PIEZO2: variants seen among roughly 807,000 people sequenced by gnomAD.
PIEZO2 encodes piezo type mechanosensitive ion channel component 2.
In PIEZO2, 172 loss-of-function variants were observed where a neutral mutation model predicts 337.3. That is an observed-to-expected ratio of 0.51 (90% CI 0.45 to 0.58). PIEZO2 has a LOEUF of 0.58. Ranked by LOEUF, PIEZO2 falls within the 20% of genes least tolerant of loss-of-function variation. The pLI, the probability that PIEZO2 is intolerant of heterozygous loss-of-function variation, is 0.00. For synonymous variants in PIEZO2, 1,251 were observed against 1,228.5 expected, an observed-to-expected ratio of 1.02 and a Z score of -0.38; for missense variants, 3,028 against 3,391.3, an observed-to-expected ratio of 0.89 and a Z score of 2.66.
At chr18:11,115,130 T>C (rs1175287696) in intron 1 of PIEZO2, among the ~76,000 whole-genome samples, 3 of 152,218 alleles carry the variant, frequency 2.0e-5, no homozygotes, top group Non-Finnish European at 4.4e-5. Context: ...CAGACTTAGC[T>C]ATTCAGGATT....
Position 11,033,855 on chromosome 18 carries a change from C to T in PIEZO2, c.160+32272G>A, listed in dbSNP as rs765523668. 6.6e-6 allele frequency among the ~76,000 whole-genome samples: 1 copy of T among 152,200 alleles called. No individual in the cohort carries two copies. The highest frequency in any genetic ancestry group is 2.4e-5 in the African/African-American group (1 of 41,518). On this transcript the variant is annotated intron_variant, in intron 2 of 55. Transcript: ENST00000674853. The surrounding 1 kb of genome is among the most constrained non-coding windows in gnomAD (Gnocchi z 4.2). ...GACTGCTAAGAATGTGCAAAGCTGA[C>T]AGTCACGTTTTTTCCTAACTTTCCA...
intron 8 of PIEZO2, 56 bp from the exon 9 acceptor site, chr18:10,804,050 T>G: frequency 6.6e-7 from 1 of 1,523,636 alleles, no homozygotes; most frequent in South Asian, 1.2e-5. Context: ...CTAGACAGCC[T>G]GGGTGGCCAA....
Position 11,094,415 on chromosome 18 carries a change from T to A in PIEZO2, c.65-28193A>T, listed in dbSNP as rs1231107549. Among the ~76,000 whole-genome samples, 1 of 152,152 alleles carries A rather than the reference T, an allele frequency of 6.6e-6. No individual in the cohort carries two copies. The highest frequency in any genetic ancestry group is 2.4e-5 in the African/African-American group (1 of 41,424). ...AGTCAAGTTAACGACTTTTCCACCA[T>A]TTTACAGCTGCCTTCATGGGTAAAG... On this transcript the variant is annotated intron_variant, in intron 1 of 55. Transcript: ENST00000674853. This position sits in a 1 kb window ranked among gnomAD's most constrained non-coding sequence, Gnocchi z 4.4.
rs544192092 is a variant in PIEZO2, at chr18:10,746,902, G to A, written c.4424+1569C>T. 9.2e-5 allele frequency among the ~76,000 whole-genome samples: 14 copies of A among 152,228 alleles called. No individual in the cohort carries two copies. Among genetic ancestry groups the A allele is most frequent in the South Asian group, 8.3e-4 (4 of 4,822 alleles). ...ACTTTATGGTATTTTTGTTATGTCCGCCCAAATGGACTGAGACGATACCAG... is the reference window on the plus strand; with the variant it reads ...ACTTTATGGTATTTTTGTTATGTCCACCCAAATGGACTGAGACGATACCAG... On this transcript the variant is annotated intron_variant, in intron 30 of 55. Transcript: ENST00000674853. This position sits in a 1 kb window ranked among gnomAD's most constrained non-coding sequence, Gnocchi z 4.2.
At chr18:11,113,810 AAG>A (rs1435639821) in intron 1 of PIEZO2, among the ~76,000 whole-genome samples, 5 of 152,208 alleles carry the variant, frequency 3.3e-5, no homozygotes, top group Admixed American at 3.3e-4. Context: ...AGTGACAAGA[AAG>A]AAAGATCAGA....
intron 35 of PIEZO2, among the ~76,000 whole-genome samples, chr18:10,733,021 C>A (rs76213090): frequency 6.7e-6 from 1 of 148,972 alleles, no homozygotes; most frequent in Non-Finnish European, 1.5e-5. Context: ...GAATATGAGG[C>A]GCACAAGTTG....
rs549377146 is a variant in PIEZO2 at position 10,942,264 on chromosome 18, G to C, written c.287-31036C>G. On this transcript the variant is annotated intron_variant, in intron 3 of 55. Coordinates refer to ENST00000674853, the MANE Select transcript of PIEZO2 (RefSeq NM_001378183.1). The surrounding 1 kb of genome is among the most constrained non-coding windows in gnomAD (Gnocchi z 4.4). ...CGATTTTGGAACTGGGTAACATGCA[G>C]AGGTTGGAACAGCTTAGAGGGCTCA... Among the ~76,000 whole-genome samples the C allele has an allele frequency of 6.6e-6, 1 of 152,196 alleles. No individual in the cohort carries two copies. The highest frequency in any genetic ancestry group is 1.5e-5 in the Non-Finnish European group (1 of 68,042).
In PIEZO2 at chr18:11,033,224, G is replaced by A. The variant is rs2036804218; in HGVS notation, c.160+32903C>T. ...TCACACATGAGGGGACTAAGACTGAGAGGCAAAGTGACTTACCTAAAGCCC... is the reference window on the plus strand; with the variant it reads ...TCACACATGAGGGGACTAAGACTGAAAGGCAAAGTGACTTACCTAAAGCCC... On this transcript the variant is annotated intron_variant, in intron 2 of 55. Transcript: ENST00000674853. This position sits in a 1 kb window ranked among gnomAD's most constrained non-coding sequence, Gnocchi z 4.2. Among the ~76,000 whole-genome samples the A allele has an allele frequency of 6.6e-6, 1 of 152,224 alleles. No individual in the cohort carries two copies. The highest frequency in any genetic ancestry group is 1.5e-5 in the Non-Finnish European group (1 of 68,046).
rs778958258 is a variant in PIEZO2 at position 10,752,604 on chromosome 18, C to A, written c.4167+32G>T. 3.9e-6 allele frequency: 6 copies of A among 1,532,940 alleles called. No homozygotes were observed. In the South Asian group the frequency reaches 7.2e-5, roughly 18 times the overall value. 95.0% of individuals were successfully genotyped at this position (1,532,940 alleles called of 1,614,324 possible). Reference sequence around the variant, plus strand: ...GGACTGTTTACTCTTACACGAAAACCGCAAATGTGTTATGCAGTGGCAACC... The same window carrying A: ...GGACTGTTTACTCTTACACGAAAACAGCAAATGTGTTATGCAGTGGCAACC... On this transcript the variant is annotated intron_variant, in intron 28 of 55. Coordinates refer to ENST00000674853, the MANE Select transcript of PIEZO2 (RefSeq NM_001378183.1).
intron 14 of PIEZO2, among the ~76,000 whole-genome samples, chr18:10,790,055 A>G (rs1250564865): frequency 2.0e-5 from 3 of 152,234 alleles, no homozygotes; most frequent in Non-Finnish European, 4.4e-5. Context: ...CACAGTGAGA[A>G]GAGTGAAAAT....
chr18:11,054,438 G>A (rs1333178611), intron 2 of PIEZO2, among the ~76,000 whole-genome samples: 4 of 152,176 alleles, frequency 2.6e-5, no homozygotes, highest in East Asian at 1.9e-4. Context: ...TCATACGTTC[G>A]TCTAAAATCC....
rs982524190 is a variant in PIEZO2, at chr18:11,020,825, T to C, written c.161-41165A>G. 2.0e-5 allele frequency among the ~76,000 whole-genome samples: 3 copies of C among 152,350 alleles called. No homozygotes were observed. The East Asian group carries it at 5.8e-4, about 29-fold the overall frequency. ...TTCGGAATACTTGACATTCGTTGTT[T>C]TATAAGAAAGTTACTGTTCTGCTAC... On this transcript the variant is annotated intron_variant, in intron 2 of 55. Coordinates refer to ENST00000674853, the MANE Select transcript of PIEZO2 (RefSeq NM_001378183.1).
chr18:10,750,047 C>T lies in PIEZO2; in HGVS notation c.4264+44G>A, dbSNP rs1164071322. 7.3e-7 allele frequency: 1 copy of T among 1,378,920 alleles called. No homozygotes were observed. Among genetic ancestry groups the T allele is most frequent in the Non-Finnish European group, 1.0e-6 (1 of 1,002,566 alleles). 85.4% of individuals were successfully genotyped at this position (1,378,920 alleles called of 1,614,324 possible). On this transcript the variant is annotated intron_variant, in intron 29 of 55. Transcript: ENST00000674853. This position sits in a 1 kb window ranked among gnomAD's most constrained non-coding sequence, Gnocchi z 4.1. ...AAAACTAGAACAATACAACTATCCT[C>T]CCTCTTCTGCCTTTCTGCCTTCACA... is the stretch of plus-strand genomic sequence containing the variant.
In PIEZO2 at chr18:10,850,537, C is replaced by G. The variant is rs888961096; in HGVS notation, c.917+4816G>C. On this transcript the variant is annotated intron_variant, in intron 7 of 55. Transcript: ENST00000674853. The surrounding 1 kb of genome is among the most constrained non-coding windows in gnomAD (Gnocchi z 4.5). ...GAAGTAATGTGGGCACTTGTTGCAG[C>G]CTTATTCATGAGAACAAAAATGAGA... 6.6e-6 allele frequency among the ~76,000 whole-genome samples: 1 copy of G among 152,058 alleles called. No homozygotes were observed. The highest frequency in any genetic ancestry group is 1.5e-5 in the Non-Finnish European group (1 of 68,006).
rs946669083 is a variant in PIEZO2 at position 10,819,145 on chromosome 18, G to A, written c.918-11871C>T. 1.4e-4 allele frequency among the ~76,000 whole-genome samples: 22 copies of A among 152,134 alleles called. No homozygotes were observed. The highest frequency in any genetic ancestry group is 2.6e-4 in the Admixed American group (4 of 15,268). On this transcript the variant is annotated intron_variant, in intron 7 of 55. Coordinates refer to ENST00000674853, the MANE Select transcript of PIEZO2 (RefSeq NM_001378183.1). The surrounding 1 kb of genome is among the most constrained non-coding windows in gnomAD (Gnocchi z 4.3). ...GTACACCTAGACTCTTTACAGTAAA[G>A]CATTGATGAAATTAACAATAAAAAG...
chr18:11,065,873 T>A, intron 2 of PIEZO2, among the ~76,000 whole-genome samples: 1 of 152,204 alleles, frequency 6.6e-6, no homozygotes, highest in East Asian at 1.9e-4. Context: ...AACATTCCAG[T>A]GATACTGCCA....
intron 7 of PIEZO2, among the ~76,000 whole-genome samples, chr18:10,839,304 A>G (rs577984377): frequency 6.6e-6 from 1 of 152,346 alleles, no homozygotes; most frequent in Admixed American, 6.5e-5. Flanking sequence ...GGATAGTTCC[A>G]TTACAGGACT....
chr18:10,908,573 A>G (rs2030168518), intron 4 of PIEZO2: 1 of 152,256 alleles, frequency 6.6e-6, no homozygotes, highest in Admixed American at 6.5e-5. Context: ...GTAAATATAC[A>G]AGAACCTCAA....
At position 10,726,282 on chromosome 18, in the gene PIEZO2, C is replaced by T. The variant is rs1406309913; in HGVS notation, c.5029+5125G>A. 2.3e-6 allele frequency: 2 copies of T among 878,930 alleles called. No homozygotes were observed. The highest frequency in any genetic ancestry group is 2.7e-5 in the East Asian group (1 of 37,396). The allele number at this position is 878,930 out of a possible 1,614,324, so 54.4% of individuals were successfully genotyped here. A position where few individuals can be genotyped will look rare whatever the true frequency, so the allele number is the denominator to read the frequency against. ...GTGTTCGGGAGCATGAGAATGGAAG[C>T]GTCGCGGCCAGAGCCCCGGCCAGGT... On this transcript the variant is annotated intron_variant, in intron 36 of 55. Transcript: ENST00000674853. This position sits in a 1 kb window ranked among gnomAD's most constrained non-coding sequence, Gnocchi z 5.9.
Sources: gnomAD v4.1 joint callset for allele counts (sites outside exome capture counted in the v4.1 genomes callset) on GRCh38, gnomAD v4.1.1 for gene constraint, Gnocchi (gnomAD v3.1) non-coding constraint, MANE v1.5 for transcripts, NCBI Gene and HGNC (gene_info 2026-07-23, HGNC 2026-07-21) for gene names.